Variants in ERCC8 observed in about 807,000 individuals in gnomAD.
ERCC8 encodes DNA excision repair protein ERCC-8.
In ERCC8, 52 loss-of-function variants were observed where a neutral mutation model predicts 54.9. The observed-to-expected ratio is 0.95, with a 90% confidence interval of 0.76 to 1.19. The LOEUF is 1.19. Ranked by LOEUF, ERCC8 falls within the 50% of genes most tolerant of loss-of-function variation. ERCC8 has a pLI of 0.00. For synonymous variants in ERCC8, 146 were observed against 157.2 expected (o/e 0.93, Z 0.53); for missense variants, 514 against 466.1 (o/e 1.10, Z -0.95).
intron 10 of ERCC8, 76 bp downstream of exon 10, chr5:60,890,813 A>G: frequency 9.4e-7 from 1 of 1,062,412 alleles, no homozygotes; most frequent in Non-Finnish European, 1.4e-6. Flanking sequence ...GAATAAAATC[A>G]TAATTTATTC....
chr5:60,938,036 CAT>C (rs1491303429), intron 1 of ERCC8, among the ~76,000 whole-genome samples: 1 of 15,000 alleles, frequency 6.7e-5, no homozygotes. Context: ...TACATACATA[CAT>C]ACATACATAC....
intron 4 of ERCC8, among the ~76,000 whole-genome samples, chr5:60,909,409 C>T (rs1035732378): frequency 1.3e-5 from 2 of 151,916 alleles, no homozygotes; most frequent in Non-Finnish European, 2.9e-5. Context: ...ACAAAAATTA[C>T]GATGTATTTC....
At chr5:60,912,071 G>A (rs975782969) in intron 4 of ERCC8, among the ~76,000 whole-genome samples, 2 of 151,954 alleles carry the variant, frequency 1.3e-5, no homozygotes, top group Non-Finnish European at 2.9e-5. Flanking sequence ...TCTTGGTAAT[G>A]CGGGCTCTTT....
rs569400211 is a variant in ERCC8, at chr5:60,886,851, A to G, written c.1122+589T>C. On this transcript the variant is annotated intron_variant, in intron 11 of 11. Transcript: ENST00000676185. The stretch of plus-strand genomic sequence containing the variant: ...TAGTCAGAAATATTAACAATTTTTG[A>G]ACAGATATTTACCTTGATGTTTACA... 1.6e-4 allele frequency among the ~76,000 whole-genome samples: 24 copies of G among 152,238 alleles called. No individual in the cohort carries two copies. In the South Asian group the frequency reaches 3.3e-3, roughly 21 times the overall value.
chr5:60,886,703 A>AAGAAATAAAAAT (rs1748403636), intron 11 of ERCC8, among the ~76,000 whole-genome samples: 2 of 142,696 alleles, frequency 1.4e-5, no homozygotes, highest in African/African-American at 5.7e-5. Flanking sequence ...CTCCATCTCA[A>AAGAAATAAAAAT]AAAAATAAAA....
At chr5:60,885,934 G>A (rs921603974) in intron 11 of ERCC8, among the ~76,000 whole-genome samples, 3 of 151,978 alleles carry the variant, frequency 2.0e-5, no homozygotes, top group Non-Finnish European at 2.9e-5. Flanking sequence ...AATGTCAAAC[G>A]TGCTCTATCA....
intron 2 of ERCC8, among the ~76,000 whole-genome samples, chr5:60,923,180 C>A (rs1266590578): frequency 6.6e-6 from 1 of 152,068 alleles, no homozygotes; most frequent in Non-Finnish European, 1.5e-5. Context: ...CACTCTCAAG[C>A]TGGTCTATTA....
At position 60,869,514 on chromosome 5, in the gene ERCC8, G is replaced by T. The variant is rs1205429547; in HGVS notation, c.*5101C>A. Among the ~76,000 whole-genome samples, 1 of 152,126 alleles carries T rather than the reference G, an allele frequency of 6.6e-6. No homozygotes were observed. Among genetic ancestry groups the T allele is most frequent in the South Asian group, 2.1e-4 (1 of 4,822 alleles). ...TACAGTTTAAGGTTTTGTCTTTAGAGAATTTTTTAAAGGTTTTAAAATCTA... is the reference window on the plus strand; with the variant it reads ...TACAGTTTAAGGTTTTGTCTTTAGATAATTTTTTAAAGGTTTTAAAATCTA... On this transcript the variant is annotated 3_prime_UTR_variant, in exon 12 of 12. Coordinates refer to ENST00000676185, the MANE Select transcript of ERCC8 (RefSeq NM_000082.4).
chr5:60,871,570 G>T lies in ERCC8; in HGVS notation c.*3045C>A, dbSNP rs944335559. On this transcript the variant is annotated 3_prime_UTR_variant, in exon 12 of 12. Transcript: ENST00000676185. Reference sequence around the variant, plus strand: ...AACATCCCATTATGTAAAATTATATGTATCATAAGAGATTCATGAAGAATG... The same window carrying T: ...AACATCCCATTATGTAAAATTATATTTATCATAAGAGATTCATGAAGAATG... 6.6e-6 allele frequency among the ~76,000 whole-genome samples: 1 copy of T among 152,086 alleles called. No homozygotes were observed. Among genetic ancestry groups the T allele is most frequent in the African/African-American group, 2.4e-5 (1 of 41,402 alleles).
At position 60,874,656 on chromosome 5, in the gene ERCC8, C is replaced by T. The variant is rs767882137; in HGVS notation, c.1150G>A (p.Ala384Thr). Residue 384 changes from alanine (A) to threonine (T), a missense_variant, in exon 12 of 12, where the codon GCC becomes ACC. Physicochemically the swap from Ala to Thr is moderately conservative, Grantham distance 58 (BLOSUM62 0). Coordinates refer to ENST00000676185, the MANE Select transcript of ERCC8 (RefSeq NM_000082.4). ...ETTTKSQLNPAFEDAWSSSDE... is the reference protein window; with the variant it reads ...ETTTKSQLNPTFEDAWSSSDE... ...CTGCTGCTCCAGGCATCTTCAAAGG[C>T]CGGATTTAATTGTGATTTTGTTGTA... 9 of 1,610,956 alleles carry T rather than the reference C, an allele frequency of 5.6e-6. No individual in the cohort carries two copies. The highest frequency in any genetic ancestry group is 7.6e-6 in the Non-Finnish European group (9 of 1,179,224).
chr5:60,940,445 C>T (rs895586463), intron 1 of ERCC8, among the ~76,000 whole-genome samples: 3 of 152,178 alleles, frequency 2.0e-5, no homozygotes, highest in Non-Finnish European at 2.9e-5. Flanking sequence ...AACTTGGAAG[C>T]GTATGGCAGA....
intron 4 of ERCC8, among the ~76,000 whole-genome samples, chr5:60,916,258 T>C (rs534359703): frequency 6.6e-6 from 1 of 152,208 alleles, no homozygotes; most frequent in South Asian, 2.1e-4. Context: ...TCTGTCTCTC[T>C]AGCTTTATGA....
intron 4 of ERCC8, among the ~76,000 whole-genome samples, chr5:60,912,302 C>T (rs1223796376): frequency 1.3e-5 from 2 of 151,578 alleles, no homozygotes; most frequent in East Asian, 3.9e-4. Flanking sequence ...TGAAGAGGTC[C>T]TTCACATCCC....
In ERCC8 at chr5:60,873,403, A is replaced by G. The variant is rs774450945; in HGVS notation, c.*1212T>C. Among the ~76,000 whole-genome samples the G allele has an allele frequency of 9.2e-5, 14 of 152,308 alleles. No homozygotes were observed. The highest frequency in any genetic ancestry group is 3.4e-3 in the Middle Eastern group (1 of 294). On this transcript the variant is annotated 3_prime_UTR_variant, in exon 12 of 12. Coordinates refer to ENST00000676185, the MANE Select transcript of ERCC8 (RefSeq NM_000082.4). ...AAAAACTCAACAACTGGCTGGGTGC[A>G]GTGGCTCAAGCTTATAATTCCAGCA...
At chr5:60,904,957 T>G (rs1749028392) in intron 4 of ERCC8, 84 bp from the exon 5 acceptor site, 1 of 672,568 alleles carries the variant, frequency 1.5e-6, no homozygotes, top group Non-Finnish European at 2.6e-6. Flanking sequence ...TTTCCTAAAT[T>G]TTTAGCTATT....
At chr5:60,935,313 G>A in intron 1 of ERCC8, among the ~76,000 whole-genome samples, 1 of 152,120 alleles carries the variant, frequency 6.6e-6, no homozygotes, top group East Asian at 1.9e-4. Context: ...AAAAGGGGTT[G>A]AGTTTTTGAT....
At chr5:60,879,518 G>A (rs940724777) in intron 11 of ERCC8, among the ~76,000 whole-genome samples, 1 of 152,158 alleles carries the variant, frequency 6.6e-6, no homozygotes, top group Non-Finnish European at 1.5e-5. Context: ...CTCTTTTTAG[G>A]TCTCTAAGGA....
chr5:60,901,888 C>T (rs4647108), intron 7 of ERCC8, among the ~76,000 whole-genome samples: 22,525 of 151,950 alleles, frequency 0.15, 2,121 homozygotes, highest in South Asian at 0.28. Context: ...AGTGATCCTG[C>T]TTTCTTTTCC....
At chr5:60,931,219 G>A (rs1179356724) in intron 1 of ERCC8, among the ~76,000 whole-genome samples, 1 of 152,100 alleles carries the variant, frequency 6.6e-6, no homozygotes, top group African/African-American at 2.4e-5. Context: ...TGCATCTCCT[G>A]ATTATAAGAT....
Sources: allele counts gnomAD v4.1 joint callset (sites outside exome capture counted in the v4.1 genomes callset), GRCh38; gene constraint gnomAD v4.1.1; transcripts MANE v1.5; gene names NCBI Gene and HGNC (gene_info 2026-07-23, HGNC 2026-07-21).